Variants in SHROOM3 observed in about 807,000 individuals in gnomAD.
SHROOM3 encodes shroom family member 3.
A neutral mutation model predicts 138.6 loss-of-function variants in SHROOM3; 47 were observed. The observed-to-expected ratio is 0.34, with a 90% CI of 0.27 to 0.43. SHROOM3 has a LOEUF of 0.43. Ranked by LOEUF, SHROOM3 falls within the 20% of genes least tolerant of loss-of-function variation. The pLI is 1.00. For synonymous variants in SHROOM3, 1,062 were observed against 1,063.3 expected, an observed-to-expected ratio of 1.00 and a Z score of 0.02; for missense variants, 2,491 against 2,596.5, an observed-to-expected ratio of 0.96 and a Z score of 0.88.
chr4:76,732,021 C>T (rs570430727), intron 4 of SHROOM3, among the ~76,000 whole-genome samples: 5 of 152,140 alleles, frequency 3.3e-5, no homozygotes, highest in South Asian at 2.1e-4. Context: ...GGTTATAGAA[C>T]GAGGGAGCAC....
At chr4:76,520,238 A>T (rs890027229) in intron 1 of SHROOM3, among the ~76,000 whole-genome samples, 9 of 152,208 alleles carry the variant, frequency 5.9e-5, no homozygotes, top group Admixed American at 5.9e-4. Context: ...AAGAGAAATC[A>T]TCTAATCCCT....
intron 1 of SHROOM3, among the ~76,000 whole-genome samples, chr4:76,540,232 G>A (rs779748041): frequency 8.7e-4 from 133 of 152,188 alleles, no homozygotes; most frequent in Non-Finnish European, 6.2e-4. Context: ...TTCAGCAGGA[G>A]GGAGGCATTC....
intron 3 of SHROOM3, among the ~76,000 whole-genome samples, chr4:76,728,729 T>C (rs1457119116): frequency 6.6e-6 from 1 of 152,202 alleles, no homozygotes; most frequent in Admixed American, 6.5e-5. Flanking sequence ...CTGTTTCTTT[T>C]TGGCCTATGT....
At chr4:76,529,971 A>G (rs1323633323) in intron 1 of SHROOM3, among the ~76,000 whole-genome samples, 1 of 152,208 alleles carries the variant, frequency 6.6e-6, no homozygotes, top group Non-Finnish European at 1.5e-5. Flanking sequence ...CAGAAATTGA[A>G]TAGCATGGTA....
At chr4:76,615,872 C>A (rs1411220623) in intron 2 of SHROOM3, among the ~76,000 whole-genome samples, 1 of 152,148 alleles carries the variant, frequency 6.6e-6, no homozygotes, top group Non-Finnish European at 1.5e-5. Flanking sequence ...GAAGACAACG[C>A]CTTCGCTTCA....
chr4:76,651,397 CATAA>C (rs1553933241), intron 2 of SHROOM3, among the ~76,000 whole-genome samples: 3 of 71,382 alleles, frequency 4.2e-5, no homozygotes, highest in South Asian at 4.4e-4. Context: ...TCATGTAACC[CATAA>C]ATATATATAT....
At chr4:76,750,821 A>G (rs1721597651) in intron 6 of SHROOM3, among the ~76,000 whole-genome samples, 1 of 152,182 alleles carries the variant, frequency 6.6e-6, no homozygotes, top group South Asian at 2.1e-4. Flanking sequence ...TAAAAAAAAA[A>G]AAAAACTTTC....
intron 2 of SHROOM3, among the ~76,000 whole-genome samples, chr4:76,651,046 A>C (rs1735944406): frequency 6.6e-6 from 1 of 150,884 alleles, no homozygotes; most frequent in Admixed American, 6.6e-5. Flanking sequence ...CAAACATTGC[A>C]TGTTCTCACT....
At position 76,664,035 on chromosome 4, in the gene SHROOM3, T is replaced by C. The variant is rs1718615521; in HGVS notation, c.324-46121T>C. ...ATATACCAAGTATGTTTGGCTCTCA[T>C]TTCCTGGCAGTTGAAAATAATAAAC... On this transcript the variant is annotated intron_variant, in intron 2 of 10. Transcript: ENST00000296043. The surrounding 1 kb of genome is among the most constrained non-coding windows in gnomAD (Gnocchi z 4.2). Among the ~76,000 whole-genome samples, 1 of 152,208 alleles carries C rather than the reference T, an allele frequency of 6.6e-6. No homozygotes were observed. Among genetic ancestry groups the C allele is most frequent in the South Asian group, 2.1e-4 (1 of 4,824 alleles).
At chr4:76,681,671 T>A (rs1255524584) in intron 2 of SHROOM3, among the ~76,000 whole-genome samples, 1 of 114,692 alleles carries the variant, frequency 8.7e-6, no homozygotes, top group Non-Finnish European at 1.8e-5. Context: ...GGTATCCTTG[T>A]CACCATTCCC....
At chr4:76,769,398 G>A (rs1339777820) in intron 9 of SHROOM3, among the ~76,000 whole-genome samples, 1 of 151,596 alleles carries the variant, frequency 6.6e-6, no homozygotes, top group Non-Finnish European at 1.5e-5. Context: ...GCTATTTTAG[G>A]CTAAGAGAAA....
chr4:76,450,068 A>G (rs915215430), intron 1 of SHROOM3, among the ~76,000 whole-genome samples: 3 of 152,192 alleles, frequency 2.0e-5, no homozygotes, highest in African/African-American at 7.2e-5. Context: ...TTTTAACTCC[A>G]TTGATTGCCG....
rs568882270 is a variant in SHROOM3, at chr4:76,436,231, T to C, written c.168+11T>C. The C allele has an allele frequency of 6.2e-7, 1 of 1,613,782 alleles. No homozygotes were observed. The highest frequency in any genetic ancestry group is 2.2e-5 in the East Asian group (1 of 44,882). ...TTAATCATCTCTAAGGTATGTTTCT[T>C]TTTCCAATATTGCCTTTATTCAAAT... On this transcript the variant is annotated intron_variant, in intron 1 of 10. Transcript: ENST00000296043.
chr4:76,740,513 G>A lies in SHROOM3; in HGVS notation c.2340G>A (p.Ser780=), dbSNP rs1361576830. 3 of 1,613,866 alleles carry A rather than the reference G, an allele frequency of 1.9e-6. No homozygotes were observed. The highest frequency in any genetic ancestry group is 1.7e-5 in the Admixed American group (1 of 60,030). Residue 780 remains serine, a synonymous_variant, in exon 5 of 11, where the codon TCG becomes TCA. Transcript: ENST00000296043. This position sits in a 1 kb window ranked among gnomAD's most constrained non-coding sequence, Gnocchi z 4.0. ...TTCAGTACGGGAAGCCCCACTGCTC[G>A]GTGCTGGAGAAGGTCTCCAAATTCG... ...QGFQYGKPHC[S]VLEKVSKFEQ... is the part of the protein sequence containing the mutation.
chr4:76,481,626 C>G (rs914550429), intron 1 of SHROOM3, among the ~76,000 whole-genome samples: 2 of 152,154 alleles, frequency 1.3e-5, no homozygotes, highest in African/African-American at 4.8e-5. Context: ...AGGGACTCCC[C>G]CCTAACTCAT....
intron 10 of SHROOM3, among the ~76,000 whole-genome samples, chr4:76,774,720 GT>G (rs71212453): frequency 1.1e-3 from 121 of 112,216 alleles, no homozygotes; most frequent in Middle Eastern, 9.3e-3. Flanking sequence ...TTTTTTTTTT[GT>G]TTTTTTTTTT....
At chr4:76,520,294 C>T (rs770188629) in intron 1 of SHROOM3, among the ~76,000 whole-genome samples, 7 of 152,164 alleles carry the variant, frequency 4.6e-5, no homozygotes, top group East Asian at 3.8e-4. Context: ...CCAGTCATGT[C>T]GCAACAAGTC....
At chr4:76,521,626 G>A (rs909340519) in intron 1 of SHROOM3, among the ~76,000 whole-genome samples, 3 of 152,152 alleles carry the variant, frequency 2.0e-5, no homozygotes, top group Non-Finnish European at 4.4e-5. Flanking sequence ...TAGAAGTGGC[G>A]ACGGCAAAGT....
At chr4:76,648,390 C>T (rs978939476) in intron 2 of SHROOM3, among the ~76,000 whole-genome samples, 3 of 152,174 alleles carry the variant, frequency 2.0e-5, no homozygotes, top group South Asian at 4.1e-4. Flanking sequence ...GTCTGAGTAA[C>T]AATCCCTGTG....
Sources: gnomAD v4.1 joint callset for allele counts (sites outside exome capture counted in the v4.1 genomes callset) on GRCh38, gnomAD v4.1.1 for gene constraint, Gnocchi (gnomAD v3.1) non-coding constraint, MANE v1.5 for transcripts, NCBI Gene and HGNC (gene_info 2026-07-23, HGNC 2026-07-21) for gene names.